Variants in SEMA3A observed in about 807,000 individuals in gnomAD.
The protein encoded by SEMA3A is semaphorin 3A.
Under a neutral mutation model 97.9 loss-of-function variants are expected in SEMA3A, and 29 were observed. That is an observed-to-expected ratio of 0.30 (90% CI 0.22 to 0.40). SEMA3A has a LOEUF of 0.40. Ranked by LOEUF, SEMA3A falls within the 10% of genes least tolerant of loss-of-function variation. SEMA3A has a pLI of 1.00. For missense variants in SEMA3A, 763 were observed against 951.3 expected, an observed-to-expected ratio of 0.80 and a Z score of 2.60; for synonymous variants, 321 against 323.7, an observed-to-expected ratio of 0.99 and a Z score of 0.09.
rs186882622 is a variant in SEMA3A at position 84,021,456 on chromosome 7, G to A, written c.668-7105C>T. Among the ~76,000 whole-genome samples the A allele has an allele frequency of 3.1e-3, 472 of 151,982 alleles. 2 individuals are homozygous for A. The highest frequency in any genetic ancestry group is 0.011 in the African/African-American group (437 of 41,448). Reference sequence around the variant, plus strand: ...TTAATCTTTCCCACTGCAACTATCCGCATGTAGGCCCTTATCTTTTCTCTC... The same window carrying A: ...TTAATCTTTCCCACTGCAACTATCCACATGTAGGCCCTTATCTTTTCTCTC... On this transcript the variant is annotated intron_variant, in intron 6 of 16. Coordinates refer to ENST00000265362, the MANE Select transcript of SEMA3A (RefSeq NM_006080.3).
chr7:84,356,952 A>T (rs555195643), intron 2 of SEMA3A, among the ~76,000 whole-genome samples: 1 of 151,908 alleles, frequency 6.6e-6, no homozygotes, highest in South Asian at 2.1e-4. Flanking sequence ...CTTATACGTG[A>T]TGTGCTGCAA....
chr7:84,416,944 T>C (rs1352127373), intron 1 of SEMA3A, among the ~76,000 whole-genome samples: 1 of 152,128 alleles, frequency 6.6e-6, no homozygotes, highest in African/African-American at 2.4e-5. Flanking sequence ...CCAGAGAGAA[T>C]TAAAAACTCA....
chr7:83,989,292 C>CA (rs555159939), intron 12 of SEMA3A, among the ~76,000 whole-genome samples: 26 of 151,784 alleles, frequency 1.7e-4, no homozygotes, highest in Admixed American at 5.3e-4. Context: ...CTTAATAATA[C>CA]AAAAAAAATC....
intron 5 of SEMA3A, among the ~76,000 whole-genome samples, chr7:84,053,015 G>C (rs1377510839): frequency 6.7e-6 from 1 of 149,532 alleles, no homozygotes. Flanking sequence ...CCATGTAGTT[G>C]AGCGGTTTTG....
intron 4 of SEMA3A, among the ~76,000 whole-genome samples, chr7:84,091,619 A>G (rs955591496): frequency 6.6e-6 from 1 of 152,168 alleles, no homozygotes; most frequent in Non-Finnish European, 1.5e-5. Flanking sequence ...GAGGTAAAAC[A>G]ATATAATTAA....
chr7:84,281,665 C>G (rs979687737), intron 3 of SEMA3A, among the ~76,000 whole-genome samples: 5 of 152,114 alleles, frequency 3.3e-5, no homozygotes, highest in African/African-American at 4.8e-5. Context: ...GTGTGGTGTT[C>G]AAAAGAACAG....
intron 3 of SEMA3A, among the ~76,000 whole-genome samples, chr7:84,303,359 T>A (rs907870041): frequency 2.6e-5 from 4 of 152,044 alleles, no homozygotes; most frequent in Admixed American, 6.6e-5. Context: ...ATCTCTTTTT[T>A]TAAAAAAAAT....
Position 84,302,927 on chromosome 7 carries a change from A to G in SEMA3A, c.-83+4280T>C, listed in dbSNP as rs182180074. ...GTTCCTTCTGGCTCAGAAATTCTGT[A>G]GACCTAAAAACACTTAGTACAGATT... On this transcript the variant is annotated intron_variant, in intron 3 of 3. Transcript: ENST00000424555. Among the ~76,000 whole-genome samples, 18 of 152,332 alleles carry G rather than the reference A, an allele frequency of 1.2e-4. No individual in the cohort carries two copies. In the East Asian group the frequency reaches 3.3e-3, roughly 28 times the overall value.
At chr7:84,016,311 G>A (rs145161253) in intron 6 of SEMA3A, among the ~76,000 whole-genome samples, 7,281 of 152,046 alleles carry the variant, frequency 0.048, 279 homozygotes, top group East Asian at 0.19. Flanking sequence ...AGGCTGAGGC[G>A]GGTGGATCAC....
In SEMA3A at chr7:84,430,788, T is replaced by TG. The variant is rs199569138; in HGVS notation, c.-245-58889_-245-58888insC. On this transcript the variant is annotated intron_variant, in intron 1 of 3. Transcript: ENST00000424555. ...TCTTCTATACCTACACAACATAAAA[T>TG]TTGTGTGTGTGTGTGTGTGTGTGTG... Among the ~76,000 whole-genome samples, 1,823 of 129,474 alleles carry TG rather than the reference T, an allele frequency of 0.014. 72 individuals carry two copies. The East Asian group carries it at 0.22, about 15-fold the overall frequency. 84.9% of individuals were successfully genotyped at this position (129,474 alleles called of 152,430 possible). A position where few individuals can be genotyped will look rare whatever the true frequency, so the allele number is the denominator to read the frequency against.
chr7:84,129,270 G>A (rs1202194669), intron 2 of SEMA3A, 85 bp from the exon 3 acceptor site: 1 of 1,078,836 alleles, frequency 9.3e-7, no homozygotes, highest in East Asian at 2.4e-5. Flanking sequence ...ATGACATTGG[G>A]GCAACTGAAG....
intron 3 of SEMA3A, among the ~76,000 whole-genome samples, chr7:84,277,102 T>C (rs1192604788): frequency 6.6e-6 from 1 of 152,132 alleles, no homozygotes; most frequent in African/African-American, 2.4e-5. Flanking sequence ...TTGGACAAAA[T>C]GGCATCCCTC....
At chr7:84,088,406 A>G (rs1427584998) in intron 4 of SEMA3A, among the ~76,000 whole-genome samples, 1 of 151,876 alleles carries the variant, frequency 6.6e-6, no homozygotes, top group Non-Finnish European at 1.5e-5. Flanking sequence ...GTGAGCCAAG[A>G]TCGCACCACT....
chr7:84,265,531 ATT>A (rs1799971731), intron 3 of SEMA3A, among the ~76,000 whole-genome samples: 1 of 147,600 alleles, frequency 6.8e-6, no homozygotes, highest in Non-Finnish European at 1.5e-5. Context: ...AATTTTATAT[ATT>A]ATATATTTTA....
At chr7:84,090,168 G>A (rs1382134557) in intron 4 of SEMA3A, among the ~76,000 whole-genome samples, 3 of 152,054 alleles carry the variant, frequency 2.0e-5, no homozygotes, top group African/African-American at 4.8e-5. Flanking sequence ...GTAATTTTAT[G>A]CAGTCCCCAG....
chr7:84,180,844 A>T (rs1001018121), intron 1 of SEMA3A, among the ~76,000 whole-genome samples: 9 of 152,296 alleles, frequency 5.9e-5, no homozygotes, highest in Admixed American at 3.3e-4. Flanking sequence ...CTGGCTTACT[A>T]AATGAAGGAT....
At chr7:84,271,496 T>C (rs1800152214) in intron 3 of SEMA3A, among the ~76,000 whole-genome samples, 1 of 152,058 alleles carries the variant, frequency 6.6e-6, no homozygotes, top group African/African-American at 2.4e-5. Context: ...ACAACCACAT[T>C]CACTAAATCT....
intron 1 of SEMA3A, among the ~76,000 whole-genome samples, chr7:84,423,927 T>C (rs968662413): frequency 5.9e-5 from 9 of 151,848 alleles, no homozygotes; most frequent in African/African-American, 2.2e-4. Flanking sequence ...GGAATGCAAA[T>C]TAAAACCACA....
chr7:84,390,420 C>T (rs2116172243), intron 1 of SEMA3A, among the ~76,000 whole-genome samples: 1 of 150,470 alleles, frequency 6.6e-6, no homozygotes, highest in East Asian at 1.9e-4. Context: ...GAATATTAAC[C>T]CCTTTACTAT....
Sources: gnomAD v4.1 joint callset for allele counts (sites outside exome capture counted in the v4.1 genomes callset) on GRCh38, gnomAD v4.1.1 for gene constraint, MANE v1.5 for transcripts, NCBI Gene and HGNC (gene_info 2026-07-23, HGNC 2026-07-21) for gene names.